PARD6G: variants seen among roughly 807,000 people sequenced by gnomAD.
The protein encoded by PARD6G is par-6 family cell polarity regulator gamma.
A neutral mutation model predicts 10.7 loss-of-function variants in PARD6G; 7 were observed. The observed-to-expected ratio is 0.66, with a 90% CI of 0.37 to 1.23. The LOEUF is 1.23. Ranked by LOEUF, PARD6G falls within the 50% of genes most tolerant of loss-of-function variation. The probability of loss-of-function intolerance (pLI) is 0.02; values close to 1 mark genes in which losing one functional copy is unlikely to be tolerated. For missense variants in PARD6G, 548 were observed against 571.8 expected, an observed-to-expected ratio of 0.96 and a Z score of 0.42; for synonymous variants, 287 against 269.4, an observed-to-expected ratio of 1.07 and a Z score of -0.64.
At chr18:80,220,937 A>T (rs966615604) in intron 1 of PARD6G, among the ~76,000 whole-genome samples, 1 of 152,224 alleles carries the variant, frequency 6.6e-6, no homozygotes, top group African/African-American at 2.4e-5. Context: ...TACTATGAGT[A>T]ACTGTATGCC....
chr18:80,233,975 C>G (rs958795850), intron 1 of PARD6G, among the ~76,000 whole-genome samples: 1 of 152,154 alleles, frequency 6.6e-6, no homozygotes, highest in Admixed American at 6.5e-5. Flanking sequence ...TTCACGAACA[C>G]CCTCCGAGTG....
intron 2 of PARD6G, among the ~76,000 whole-genome samples, chr18:80,185,984 A>G (rs1417226064): frequency 4.6e-5 from 6 of 130,152 alleles, no homozygotes; most frequent in African/African-American, 1.8e-4. Context: ...TCACACACGC[A>G]TATACCCTCA....
chr18:80,233,102 G>A (rs1967378723), intron 1 of PARD6G, among the ~76,000 whole-genome samples: 1 of 152,172 alleles, frequency 6.6e-6, no homozygotes, highest in Admixed American at 6.5e-5. Context: ...GTGGAGTGGG[G>A]CTTCGTCAAC....
rs2052855534 is a variant in PARD6G at position 80,182,971 on chromosome 18, CCT to C, written c.295+19737_295+19738del. 1 of 631,232 alleles carries C rather than the reference CCT, an allele frequency of 1.6e-6. No individual in the cohort carries two copies. The highest frequency in any genetic ancestry group is 1.8e-5 in the African/African-American group (1 of 55,096). The allele number at this position is 631,232 out of a possible 1,614,324, so 39.1% of individuals were successfully genotyped here. A position where few individuals can be genotyped will look rare whatever the true frequency, so the allele number is the denominator to read the frequency against. On this transcript the variant is annotated intron_variant, in intron 2 of 2. Transcript: ENST00000353265. The surrounding 1 kb of genome is among the most constrained non-coding windows in gnomAD (Gnocchi z 4.5). ...CACGCAGCCAGACGCCCCTCCCAGTCCTCCTTCGTCCTGACGTGGCTCCCAGT... is the reference window on the plus strand; with the variant it reads ...CACGCAGCCAGACGCCCCTCCCAGTCCCTTCGTCCTGACGTGGCTCCCAGT...
At chr18:80,172,814 C>T (rs559475239) in intron 2 of PARD6G, among the ~76,000 whole-genome samples, 4 of 152,318 alleles carry the variant, frequency 2.6e-5, no homozygotes, top group African/African-American at 7.2e-5. Flanking sequence ...CGTCCATTGA[C>T]GTACAGCAGG....
intron 1 of PARD6G, among the ~76,000 whole-genome samples, chr18:80,229,570 G>A (rs1290393777): frequency 6.6e-6 from 1 of 152,180 alleles, no homozygotes. Flanking sequence ...CACCAGACCC[G>A]GAGTCCAAAT....
At chr18:80,229,021 C>G (rs966618435) in intron 1 of PARD6G, among the ~76,000 whole-genome samples, 2 of 152,170 alleles carry the variant, frequency 1.3e-5, no homozygotes, top group Admixed American at 1.3e-4. Flanking sequence ...TCACCATAAC[C>G]TCCACCTCCT....
chr18:80,204,037 G>A (rs1392441179), intron 1 of PARD6G, among the ~76,000 whole-genome samples: 2 of 152,082 alleles, frequency 1.3e-5, no homozygotes, highest in African/African-American at 2.4e-5. Flanking sequence ...AGATGCCCAT[G>A]AGCTGCCCGC....
intron 2 of PARD6G, among the ~76,000 whole-genome samples, chr18:80,176,613 G>A (rs778005358): frequency 6.6e-6 from 1 of 152,166 alleles, no homozygotes; most frequent in Non-Finnish European, 1.5e-5. Flanking sequence ...CTATGGAAGG[G>A]GGTGCAGGCA....
intron 1 of PARD6G, among the ~76,000 whole-genome samples, chr18:80,220,119 T>C (rs1967213558): frequency 6.6e-6 from 1 of 152,154 alleles, no homozygotes; most frequent in Admixed American, 6.5e-5. Context: ...TTAGGAAACT[T>C]ACAATTCATG....
intron 1 of PARD6G, among the ~76,000 whole-genome samples, chr18:80,227,664 T>C (rs894569732): frequency 1.6e-4 from 24 of 152,210 alleles, no homozygotes; most frequent in Non-Finnish European, 3.4e-4. Flanking sequence ...CCAGGTAGTG[T>C]TCCACACTGG....
intron 1 of PARD6G, among the ~76,000 whole-genome samples, chr18:80,238,378 T>C (rs758618499): frequency 1.4e-4 from 21 of 151,716 alleles, no homozygotes; most frequent in Non-Finnish European, 2.6e-4. Context: ...CATTAGGAGA[T>C]ATACCTAATG....
rs1270358699 is a variant in PARD6G at position 80,192,896 on chromosome 18, C to G, written c.295+9814G>C. Reference sequence around the variant, plus strand: ...CGGAGGAGAGGTGTCTGCAGGGGAGCTGCTTGGCAGCAACTTCTGGTGGAT... The same window carrying G: ...CGGAGGAGAGGTGTCTGCAGGGGAGGTGCTTGGCAGCAACTTCTGGTGGAT... On this transcript the variant is annotated intron_variant, in intron 2 of 2. Coordinates refer to ENST00000353265, the MANE Select transcript of PARD6G (RefSeq NM_032510.4). The surrounding 1 kb of genome is among the most constrained non-coding windows in gnomAD (Gnocchi z 4.9). Among the ~76,000 whole-genome samples, 1 of 152,108 alleles carries G rather than the reference C, an allele frequency of 6.6e-6. No homozygotes were observed. Among genetic ancestry groups the G allele is most frequent in the Admixed American group, 6.5e-5 (1 of 15,276 alleles).
Position 80,246,096 on chromosome 18 carries a change from G to T in PARD6G, c.72+1181C>A, listed in dbSNP as rs1196788518. Among the ~76,000 whole-genome samples, 1 of 152,090 alleles carries T rather than the reference G, an allele frequency of 6.6e-6. No individual in the cohort carries two copies. Among genetic ancestry groups the T allele is most frequent in the Non-Finnish European group, 1.5e-5 (1 of 68,000 alleles). On this transcript the variant is annotated intron_variant, in intron 1 of 2. Transcript: ENST00000353265. This position sits in a 1 kb window ranked among gnomAD's most constrained non-coding sequence, Gnocchi z 6.7. ...TGTTGGACTTGCCTCCCCAGAGACA[G>T]GGGAGGGAACACCCGCCCTGCGCCC...
intron 1 of PARD6G, among the ~76,000 whole-genome samples, chr18:80,213,888 G>T (rs1967132418): frequency 6.8e-6 from 1 of 146,716 alleles, no homozygotes; most frequent in South Asian, 2.1e-4. Context: ...AATCCGGAAG[G>T]CAGAGCTTGC....
intron 1 of PARD6G, among the ~76,000 whole-genome samples, chr18:80,227,747 C>G (rs772737254): frequency 2.0e-5 from 3 of 152,166 alleles, no homozygotes; most frequent in Non-Finnish European, 2.9e-5. Flanking sequence ...TTCCCACTCA[C>G]TCCCCACCCC....
chr18:80,237,267 A>C (rs1199901533), intron 1 of PARD6G, among the ~76,000 whole-genome samples: 1 of 152,226 alleles, frequency 6.6e-6, no homozygotes, highest in Non-Finnish European at 1.5e-5. Context: ...TCCCTATTTA[A>C]TAAATGGTGC....
At position 80,182,979 on chromosome 18, in the gene PARD6G, G is replaced by A. The variant is rs901476870; in HGVS notation, c.295+19731C>T. 1.2e-4 allele frequency: 80 copies of A among 650,296 alleles called. 1 individual carries two copies. The highest frequency in any genetic ancestry group is 1.1e-3 in the South Asian group (64 of 58,288). The allele number at this position is 650,296 out of a possible 1,614,324, so 40.3% of individuals were successfully genotyped here. The stretch of plus-strand genomic sequence containing the variant: ...CAGACGCCCCTCCCAGTCCTCCTTC[G>A]TCCTGACGTGGCTCCCAGTGGAATG... On this transcript the variant is annotated intron_variant, in intron 2 of 2. Coordinates refer to ENST00000353265, the MANE Select transcript of PARD6G (RefSeq NM_032510.4). This position sits in a 1 kb window ranked among gnomAD's most constrained non-coding sequence, Gnocchi z 4.5.
At chr18:80,177,920 T>TCA (rs904910855) in intron 2 of PARD6G, among the ~76,000 whole-genome samples, 1 of 140,680 alleles carries the variant, frequency 7.1e-6, no homozygotes, top group Non-Finnish European at 1.5e-5. Flanking sequence ...AATGGGAAGC[T>TCA]CACACACACA....
Sources: allele counts gnomAD v4.1 joint callset (sites outside exome capture counted in the v4.1 genomes callset), GRCh38; gene constraint gnomAD v4.1.1; non-coding constraint Gnocchi (gnomAD v3.1); transcripts MANE v1.5; gene names NCBI Gene and HGNC (gene_info 2026-07-23, HGNC 2026-07-21).